The following WWOX variants were observed in gnomAD, a reference collection of about 807,000 sequenced individuals.
WWOX encodes the protein WW domain-containing oxidoreductase.
A neutral mutation model predicts 46.2 loss-of-function variants in WWOX; 69 were observed. The observed-to-expected ratio is 1.49, with a 90% CI of 1.23 to 1.82. The LOEUF (loss-of-function observed/expected upper bound fraction) is 1.82. Among genes scored for constraint, WWOX ranks in the 40% most tolerant of loss-of-function variants. The probability of loss-of-function intolerance (pLI) is 0.00; values close to 1 mark genes in which losing one functional copy is unlikely to be tolerated. For synonymous variants in WWOX, 359 were observed against 202.6 expected (o/e 1.77, Z -6.56); for missense variants, 919 against 542.6 (o/e 1.69, Z -6.89).
chr16:78,884,595 G>C (rs1304278822), intron 8 of WWOX, among the ~76,000 whole-genome samples: 2 of 152,140 alleles, frequency 1.3e-5, no homozygotes, highest in African/African-American at 4.8e-5. Context: ...AAGATACAGA[G>C]GAATGTATCC....
intron 8 of WWOX, among the ~76,000 whole-genome samples, chr16:78,921,238 G>A (rs777410060): frequency 9.9e-5 from 15 of 152,016 alleles, no homozygotes; most frequent in South Asian, 2.1e-4. Context: ...CATTAGCCTC[G>A]AAACCGCACT....
chr16:78,378,575 T>C (rs1045858140), intron 5 of WWOX, among the ~76,000 whole-genome samples: 6 of 152,220 alleles, frequency 3.9e-5, no homozygotes, highest in Admixed American at 6.5e-5. Context: ...TAGATTTCTA[T>C]TGTAGTTCAG....
At chr16:78,560,876 A>G (rs2044419194) in intron 8 of WWOX, among the ~76,000 whole-genome samples, 1 of 151,912 alleles carries the variant, frequency 6.6e-6, no homozygotes, top group South Asian at 2.1e-4. Flanking sequence ...TTCTTTTGCT[A>G]TTGCTGTGTA....
At chr16:78,248,546 C>T (rs2037888925) in intron 5 of WWOX, among the ~76,000 whole-genome samples, 1 of 152,048 alleles carries the variant, frequency 6.6e-6, no homozygotes, top group Non-Finnish European at 1.5e-5. Context: ...GACCATCCTG[C>T]ACAATACGGT....
chr16:78,831,851 C>G (rs1178703303), intron 8 of WWOX, among the ~76,000 whole-genome samples: 2 of 152,150 alleles, frequency 1.3e-5, no homozygotes, highest in African/African-American at 4.8e-5. Flanking sequence ...TCTTAGGAGA[C>G]ACAGGGGAGG....
intron 1 of WWOX, among the ~76,000 whole-genome samples, chr16:78,107,163 G>A (rs1285882303): frequency 6.6e-6 from 1 of 152,176 alleles, no homozygotes; most frequent in Non-Finnish European, 1.5e-5. Flanking sequence ...TTTCTGGGTT[G>A]GCATGAGTAG....
At position 78,688,690 on chromosome 16, in the gene WWOX, C is replaced by T. The variant is rs534315910; in HGVS notation, c.1056+255938C>T. Among the ~76,000 whole-genome samples the T allele has an allele frequency of 5.3e-5, 8 of 152,150 alleles. No individual in the cohort carries two copies. The East Asian group carries it at 5.8e-4, about 11-fold the overall frequency. On this transcript the variant is annotated intron_variant, in intron 8 of 8. Coordinates refer to ENST00000566780, the MANE Select transcript of WWOX (RefSeq NM_016373.4). Reference sequence around the variant, plus strand: ...TAATTGTCACAACTTGGGGAAGGGGCAAGGGATTGAGGGAGAGTGCTCCTG... The same window carrying T: ...TAATTGTCACAACTTGGGGAAGGGGTAAGGGATTGAGGGAGAGTGCTCCTG...
At chr16:78,471,090 G>C (rs907520595) in intron 8 of WWOX, among the ~76,000 whole-genome samples, 1 of 152,190 alleles carries the variant, frequency 6.6e-6, no homozygotes, top group African/African-American at 2.4e-5. Flanking sequence ...GATGCTTCCA[G>C]CCTTAGCGGT....
Position 78,149,082 on chromosome 16 carries a change from C to G in WWOX, c.410-15101C>G, listed in dbSNP as rs138790105. On this transcript the variant is annotated intron_variant, in intron 4 of 8. Transcript: ENST00000566780. The stretch of plus-strand genomic sequence containing the variant: ...TCGTAGCTCACTGTAACCTCGAATT[C>G]CTAAGCTCAAGTGATCCTCCTGCCT... Among the ~76,000 whole-genome samples, 48 of 152,118 alleles carry G rather than the reference C, an allele frequency of 3.2e-4. No homozygotes were observed. In the East Asian group the frequency reaches 7.5e-3, roughly 24 times the overall value.
chr16:78,404,555 T>C (rs1160331270), intron 6 of WWOX, among the ~76,000 whole-genome samples: 1 of 152,194 alleles, frequency 6.6e-6, no homozygotes, highest in Non-Finnish European at 1.5e-5. Flanking sequence ...TGGAGTTCGC[T>C]AAATTCTACT....
At chr16:78,491,750 G>T (rs921854536) in intron 8 of WWOX, among the ~76,000 whole-genome samples, 2 of 152,226 alleles carry the variant, frequency 1.3e-5, no homozygotes, top group Non-Finnish European at 2.9e-5. Flanking sequence ...TAAGCTGGGA[G>T]ATGGGAGCTG....
intron 8 of WWOX, among the ~76,000 whole-genome samples, chr16:78,624,869 A>C (rs951453875): frequency 6.6e-6 from 1 of 152,184 alleles, no homozygotes. Context: ...ATGATTTTGA[A>C]TGCTGGCATG....
intron 8 of WWOX, among the ~76,000 whole-genome samples, chr16:78,853,845 A>G (rs186196448): frequency 1.3e-5 from 2 of 152,142 alleles, no homozygotes; most frequent in Non-Finnish European, 2.9e-5. Context: ...TCAGCAATAG[A>G]TCTTCAGGTA....
intron 8 of WWOX, among the ~76,000 whole-genome samples, chr16:78,604,594 A>T (rs118051461): frequency 0.023 from 3,527 of 151,834 alleles, 70 homozygotes; most frequent in Non-Finnish European, 0.036. Context: ...TTAGGATTCT[A>T]TTATTTACCC....
chr16:78,820,834 G>A (rs966148098), intron 8 of WWOX, among the ~76,000 whole-genome samples: 2 of 152,134 alleles, frequency 1.3e-5, no homozygotes, highest in African/African-American at 2.4e-5. Context: ...TGCCATGCCT[G>A]TCTCCTGGTT....
rs115762839 is a variant in WWOX, at chr16:78,462,738, G to A, written c.1056+29986G>A. 1.8e-3 allele frequency among the ~76,000 whole-genome samples: 267 copies of A among 152,326 alleles called. 3 individuals carry two copies. The highest frequency in any genetic ancestry group is 6.1e-3 in the African/African-American group (255 of 41,568). ...TTAATACAAACTGGCGTATGTTATA[G>A]TTACTGTCAGTTGTTGTAAACTCGT... On this transcript the variant is annotated intron_variant, in intron 8 of 8. Transcript: ENST00000566780.
At chr16:78,883,302 T>G (rs1237457027) in intron 8 of WWOX, among the ~76,000 whole-genome samples, 3 of 152,164 alleles carry the variant, frequency 2.0e-5, no homozygotes, top group African/African-American at 7.2e-5. Flanking sequence ...AACGTAGAGA[T>G]GAAACCCTAA....
At chr16:78,177,597 G>A (rs1187440856) in intron 5 of WWOX, among the ~76,000 whole-genome samples, 3 of 152,186 alleles carry the variant, frequency 2.0e-5, no homozygotes, top group Admixed American at 2.0e-4. Flanking sequence ...TCAGGCTTGG[G>A]TGTGGTGTCG....
At chr16:79,005,862 A>G (rs912742060) in intron 8 of WWOX, among the ~76,000 whole-genome samples, 26 of 152,312 alleles carry the variant, frequency 1.7e-4, no homozygotes, top group African/African-American at 6.0e-4. Context: ...AACATAGCTC[A>G]GGCCAAGAGA....
Sources: allele counts gnomAD v4.1 joint callset (sites outside exome capture counted in the v4.1 genomes callset), GRCh38; gene constraint gnomAD v4.1.1; transcripts MANE v1.5; gene names NCBI Gene and HGNC (gene_info 2026-07-23, HGNC 2026-07-21).